Variants in RNF141 observed in about 807,000 individuals in gnomAD.
RNF141 encodes the protein ring finger protein 141.
In RNF141, 18 loss-of-function variants were observed where a neutral mutation model predicts 27.4. The ratio of observed to expected loss-of-function variants is 0.66; its 90% CI spans 0.45 to 0.97. The LOEUF is 0.97. RNF141 is among the 50% of genes least tolerant of loss of function. The pLI, the probability that RNF141 is intolerant of heterozygous loss-of-function variation, is 0.00. For synonymous variants in RNF141, 97 were observed against 96.6 expected (o/e 1.00, Z -0.02); for missense variants, 230 against 279.4 (o/e 0.82, Z 1.26).
Position 10,515,079 on chromosome 11 carries a change from T to G in RNF141, c.543-13A>C, listed in dbSNP as rs761905082. The G allele has an allele frequency of 1.9e-6, 3 of 1,598,184 alleles. No homozygotes were observed. The highest frequency in any genetic ancestry group is 2.6e-6 in the Non-Finnish European group (3 of 1,174,138). ...GTGTCGATCACTCCTATTAGAGAAG[T>G]CAAAACAAAACAGTTTGCTTTCTTC... On this transcript the variant is annotated splice_polypyrimidine_tract_variant and intron_variant, in intron 5 of 5. Transcript: ENST00000265981.
intron 4 of RNF141, among the ~76,000 whole-genome samples, chr11:10,523,581 GTC>G (rs1286013866): frequency 3.9e-5 from 6 of 152,154 alleles, no homozygotes; most frequent in African/African-American, 1.2e-4. Flanking sequence ...AATTTAGAAA[GTC>G]TCTTTCTGTG....
chr11:10,535,531 T>G (rs540749643), intron 1 of RNF141, among the ~76,000 whole-genome samples: 4 of 151,140 alleles, frequency 2.6e-5, no homozygotes, highest in African/African-American at 9.7e-5. Context: ...TTACAGCAAC[T>G]GTATCCAAGA....
Position 10,533,971 on chromosome 11 carries a change from C to T in RNF141, c.143+45G>A, listed in dbSNP as rs1591501034. 3.8e-6 allele frequency: 6 copies of T among 1,583,070 alleles called. No homozygotes were observed. The East Asian group carries it at 1.3e-4, about 36-fold the overall frequency. The stretch of plus-strand genomic sequence containing the variant: ...ACACAGCCATGACATATGGGGCATA[C>T]ATACAACAAGGGGAAAAACGAAAAA... On this transcript the variant is annotated intron_variant, in intron 2 of 5. Coordinates refer to ENST00000265981, the MANE Select transcript of RNF141 (RefSeq NM_016422.4).
At chr11:10,515,518 C>CTAAACAGGTAAAGTATTCCTTTA (rs1849836539) in intron 5 of RNF141, 1 of 152,594 alleles carries the variant, frequency 6.6e-6, no homozygotes, top group South Asian at 2.1e-4. Flanking sequence ...ATCCCCATAC[C>CTAAACAGGTAAAGTATTCCTTTA]TAAACAGGTA....
At chr11:10,538,257 G>A (rs1258131708) in intron 1 of RNF141, among the ~76,000 whole-genome samples, 1 of 152,164 alleles carries the variant, frequency 6.6e-6, no homozygotes, top group Non-Finnish European at 1.5e-5. Flanking sequence ...ACAGTATCTA[G>A]AGACTACCTG....
intron 3 of RNF141, among the ~76,000 whole-genome samples, chr11:10,527,911 T>G (rs1410774620): frequency 1.3e-5 from 2 of 152,270 alleles, no homozygotes; most frequent in East Asian, 3.9e-4. Context: ...AGGACTCACT[T>G]ACAGATTGTC....
At chr11:10,530,437 G>T (rs1472656361) in intron 3 of RNF141, among the ~76,000 whole-genome samples, 1 of 152,128 alleles carries the variant, frequency 6.6e-6, no homozygotes, top group Non-Finnish European at 1.5e-5. Flanking sequence ...AAAAGAATTT[G>T]ATTATAAAAA....
rs1438109205 is a variant in RNF141, at chr11:10,514,309, C to T, written c.*607G>A. ...AGTATGGCAAAAACAAACAAACAAACCTTTAAGTACAGTAGTTCCAAAACA... is the reference window on the plus strand; with the variant it reads ...AGTATGGCAAAAACAAACAAACAAATCTTTAAGTACAGTAGTTCCAAAACA... On this transcript the variant is annotated 3_prime_UTR_variant, in exon 6 of 6. Transcript: ENST00000265981. 3 of 152,274 alleles carry T rather than the reference C, an allele frequency of 2.0e-5. No homozygotes were observed. The highest frequency in any genetic ancestry group is 2.0e-4 in the Admixed American group (3 of 15,262). The allele number at this position is 152,274 out of a possible 1,614,324, so 9.4% of individuals were successfully genotyped here.
intron 3 of RNF141, 47 bp from the exon 4 acceptor site, chr11:10,525,420 ACC>A: frequency 6.9e-7 from 1 of 1,457,208 alleles, no homozygotes; most frequent in Admixed American, 2.2e-5. Context: ...CATTTCTCTG[ACC>A]AATTTTTCCC....
Position 10,514,697 on chromosome 11 carries a change from T to C in RNF141, c.*219A>G. ...AATACAAATTTGAACAGATAAATAA[T>C]AGGAAAATATGGTCTAAAACAGTAG... On this transcript the variant is annotated 3_prime_UTR_variant, in exon 6 of 6. Coordinates refer to ENST00000265981, the MANE Select transcript of RNF141 (RefSeq NM_016422.4). 2.3e-6 allele frequency: 1 copy of C among 427,356 alleles called. No individual in the cohort carries two copies. Among genetic ancestry groups the C allele is most frequent in the Non-Finnish European group, 4.1e-6 (1 of 245,100 alleles). 26.5% of individuals were successfully genotyped at this position (427,356 alleles called of 1,614,324 possible). A position where few individuals can be genotyped will look rare whatever the true frequency, so the allele number is the denominator to read the frequency against.
At chr11:10,533,284 A>G (rs1163556980) in intron 2 of RNF141, among the ~76,000 whole-genome samples, 1 of 152,192 alleles carries the variant, frequency 6.6e-6, no homozygotes, top group Non-Finnish European at 1.5e-5. Context: ...ATATTTTCAT[A>G]GCTTCTACAT....
At chr11:10,523,049 A>G (rs894844150) in intron 4 of RNF141, among the ~76,000 whole-genome samples, 3 of 152,244 alleles carry the variant, frequency 2.0e-5, no homozygotes, top group Middle Eastern at 3.2e-3. Flanking sequence ...CCATCTGAGT[A>G]TGAAAAGGCT....
chr11:10,514,984 TG>T lies in RNF141; in HGVS notation c.624del (p.Thr209LeufsTer73). The T allele has an allele frequency of 6.2e-7, 1 of 1,614,022 alleles. No homozygotes were observed. The highest frequency in any genetic ancestry group is 8.5e-7 in the Non-Finnish European group (1 of 1,179,938). The part of the protein sequence containing the change: ...ANESWVVSDA[P>X]TEDDMANYIL... ...ATATAGTTAGCCATATCATCTTCAG[TG>T]GGTGCATCTGATACCACCCAAGATT... On this transcript the variant is annotated frameshift_variant, in exon 6 of 6. Transcript: ENST00000265981. LOFTEE classifies it high-confidence loss of function.
chr11:10,519,741 G>A (rs1003407196), intron 4 of RNF141, among the ~76,000 whole-genome samples: 3 of 145,516 alleles, frequency 2.1e-5, no homozygotes, highest in Non-Finnish European at 4.6e-5. Flanking sequence ...AGAAGGTACT[G>A]TGTAAATACG....
chr11:10,524,602 T>C (rs1014055946), intron 4 of RNF141, among the ~76,000 whole-genome samples: 5 of 152,156 alleles, frequency 3.3e-5, no homozygotes, highest in African/African-American at 4.8e-5. Context: ...AGTGGGAACT[T>C]TCATGTGCCA....
At chr11:10,518,056 C>T (rs1019747187) in intron 5 of RNF141, among the ~76,000 whole-genome samples, 8 of 152,070 alleles carry the variant, frequency 5.3e-5, no homozygotes, top group Middle Eastern at 3.4e-3. Flanking sequence ...AAATATACAG[C>T]GTATGTGGAT....
At position 10,514,919 on chromosome 11, in the gene RNF141, T is replaced by C; in HGVS notation, c.690A>G (p.Pro230=). 6.2e-7 allele frequency: 1 copy of C among 1,611,390 alleles called. No homozygotes were observed. Residue 230 remains proline (P), a synonymous_variant, in exon 6 of 6, where the codon CCA becomes CCG. Coordinates refer to ENST00000265981, the MANE Select transcript of RNF141 (RefSeq NM_016422.4). The stretch of plus-strand genomic sequence containing the variant: ...ACAGAAGACTTTCACTTCAAGGTCA[T>C]GGCCTGTGGGGCTGGCCTGCCTCAT... The part of the protein sequence containing the change: ...MADEAGQPHR[P]
intron 4 of RNF141, among the ~76,000 whole-genome samples, chr11:10,520,414 C>T (rs1286766686): frequency 2.0e-5 from 3 of 152,078 alleles, no homozygotes; most frequent in East Asian, 3.9e-4. Flanking sequence ...TAGGCCTAAA[C>T]AGCGTCAGGA....
At chr11:10,519,214 A>G in intron 4 of RNF141, 73 bp from the exon 5 acceptor site, 1 of 1,347,794 alleles carries the variant, frequency 7.4e-7, no homozygotes, top group African/African-American at 1.4e-5. Flanking sequence ...TTGCTTTAAA[A>G]AGCATTATTA....
Sources: allele counts gnomAD v4.1 joint callset (sites outside exome capture counted in the v4.1 genomes callset), GRCh38; gene constraint gnomAD v4.1.1; transcripts MANE v1.5; gene names NCBI Gene and HGNC (gene_info 2026-07-23, HGNC 2026-07-21).